Variants in ADAMTSL1 observed in about 807,000 individuals in gnomAD.
The protein encoded by ADAMTSL1 is ADAMTS-like protein 1.
A neutral mutation model predicts 201.8 loss-of-function variants in ADAMTSL1; 126 were observed. The observed-to-expected ratio is 0.62, with a 90% CI of 0.54 to 0.72. The LOEUF (loss-of-function observed/expected upper bound fraction) is 0.72. ADAMTSL1 is among the 30% of genes least tolerant of loss of function. ADAMTSL1 has a pLI of 0.00. For synonymous variants in ADAMTSL1, 1,121 were observed against 903.4 expected (o/e 1.24, Z -4.32); for missense variants, 2,679 against 2,277.8 (o/e 1.18, Z -3.59).
At chr9:18,493,895 CTG>C (rs906667637) in intron 1 of ADAMTSL1, among the ~76,000 whole-genome samples, 18 of 152,234 alleles carry the variant, frequency 1.2e-4, no homozygotes, top group African/African-American at 4.3e-4. Flanking sequence ...GATTACGTAT[CTG>C]GTGTTCTACA....
chr9:18,298,773 C>T (rs928054526), intron 2 of ADAMTSL1, among the ~76,000 whole-genome samples: 1 of 151,758 alleles, frequency 6.6e-6, no homozygotes, highest in Non-Finnish European at 1.5e-5. Context: ...CTTGTAATCC[C>T]AGCACTTTGG....
At chr9:18,336,058 A>G (rs962074678) in intron 2 of ADAMTSL1, among the ~76,000 whole-genome samples, 8 of 152,142 alleles carry the variant, frequency 5.3e-5, no homozygotes, top group African/African-American at 1.9e-4. Context: ...TTCAGGTTTT[A>G]TTTCATTGCA....
chr9:18,009,238 C>T (rs1020099875), intron 1 of ADAMTSL1, among the ~76,000 whole-genome samples: 2 of 151,992 alleles, frequency 1.3e-5, no homozygotes, highest in African/African-American at 4.8e-5. Context: ...CCTATTTCTT[C>T]TTCTGTCTTC....
chr9:18,615,774 A>AT (rs1395521100), intron 4 of ADAMTSL1, among the ~76,000 whole-genome samples: 1 of 152,154 alleles, frequency 6.6e-6, no homozygotes, highest in African/African-American at 2.4e-5. Context: ...TAGTTTCCTG[A>AT]TTTGACAACT....
chr9:18,287,379 A>T (rs892763631), intron 2 of ADAMTSL1, among the ~76,000 whole-genome samples: 24 of 152,108 alleles, frequency 1.6e-4, no homozygotes, highest in East Asian at 7.8e-4. Flanking sequence ...ACATACATGT[A>T]TATATGTGTG....
chr9:18,171,441 G>T (rs192031129), intron 2 of ADAMTSL1, among the ~76,000 whole-genome samples: 92 of 152,030 alleles, frequency 6.1e-4, no homozygotes, highest in African/African-American at 2.2e-3. Context: ...CATTTTAATG[G>T]CATAGAAATT....
In ADAMTSL1 at chr9:18,154,010, A is replaced by G. The variant is rs114454290; in HGVS notation, c.88-9852A>G. Reference sequence around the variant, plus strand: ...TGAGATTTATAGCATCAGACACAAAATCACAGGGGCCTGCTAAAAGACTGT... The same window carrying G: ...TGAGATTTATAGCATCAGACACAAAGTCACAGGGGCCTGCTAAAAGACTGT... On this transcript the variant is annotated intron_variant, in intron 1 of 29. Transcript: ENST00000680146. Among the ~76,000 whole-genome samples the G allele has an allele frequency of 9.2e-4, 140 of 152,136 alleles. 2 individuals carry two copies. Among genetic ancestry groups the G allele is most frequent in the African/African-American group, 3.1e-3 (130 of 41,550 alleles).
chr9:18,238,606 C>T (rs111701942), intron 2 of ADAMTSL1, among the ~76,000 whole-genome samples: 8 of 151,894 alleles, frequency 5.3e-5, no homozygotes, highest in African/African-American at 1.7e-4. Context: ...TAATAGGCAC[C>T]AAAAAAATGA....
chr9:17,920,542 T>C (rs1826263413), intron 1 of ADAMTSL1, among the ~76,000 whole-genome samples: 1 of 152,202 alleles, frequency 6.6e-6, no homozygotes, highest in South Asian at 2.1e-4. Flanking sequence ...CTGCTTCTAC[T>C]CCCCTCCCTC....
At chr9:18,559,067 C>T (rs1003300150) in intron 3 of ADAMTSL1, among the ~76,000 whole-genome samples, 2 of 152,120 alleles carry the variant, frequency 1.3e-5, no homozygotes, top group East Asian at 1.9e-4. Context: ...GTGTTTTAGT[C>T]GTGAAGTCTT....
At position 18,675,911 on chromosome 9, in the gene ADAMTSL1, C is replaced by A; in HGVS notation, c.1136+4C>A. ...ACCTCTACCATCCCCTTCCTCGGTA[C>A]GTAAATCAATCATCCTGATGTTAGA... is the stretch of plus-strand genomic sequence containing the variant. On this transcript the variant is annotated splice_donor_region_variant and intron_variant, in intron 10 of 28. Transcript: ENST00000380548. 6.2e-7 allele frequency: 1 copy of A among 1,612,270 alleles called. No homozygotes were observed. The highest frequency in any genetic ancestry group is 1.1e-5 in the South Asian group (1 of 91,022).
At chr9:18,338,880 G>A (rs1245238644) in intron 2 of ADAMTSL1, among the ~76,000 whole-genome samples, 1 of 152,048 alleles carries the variant, frequency 6.6e-6, no homozygotes, top group African/African-American at 2.4e-5. Context: ...GTGGTATTTG[G>A]TTTTCTGTTC....
At chr9:18,027,681 G>A (rs972174970) in intron 1 of ADAMTSL1, among the ~76,000 whole-genome samples, 1 of 151,654 alleles carries the variant, frequency 6.6e-6, no homozygotes, top group African/African-American at 2.4e-5. Context: ...TGAGAAAAAT[G>A]TATATTCTGT....
intron 1 of ADAMTSL1, among the ~76,000 whole-genome samples, chr9:18,065,232 G>C (rs1045286882): frequency 2.6e-5 from 4 of 151,990 alleles, no homozygotes; most frequent in African/African-American, 9.7e-5. Flanking sequence ...CATCTCTGTT[G>C]GGATGTACAT....
rs140088644 is a variant in ADAMTSL1, at chr9:18,890,405, T to C, written c.4643+657T>C. ...GCACCTCATCCTCTGTCCTCAGCAG[T>C]AGTTAAATGGATAATAGATGGGCTT... On this transcript the variant is annotated intron_variant, in intron 25 of 28. Transcript: ENST00000380548. 2,796 of 417,746 alleles carry C rather than the reference T, an allele frequency of 6.7e-3. 19 individuals are homozygous for C. Among genetic ancestry groups the C allele is most frequent in the Admixed American group, 0.011 (418 of 37,578 alleles). The allele number at this position is 417,746 out of a possible 1,614,324, so 25.9% of individuals were successfully genotyped here. A position where few individuals can be genotyped will look rare whatever the true frequency, so the allele number is the denominator to read the frequency against.
chr9:18,508,160 G>A (rs575342657), intron 2 of ADAMTSL1, among the ~76,000 whole-genome samples: 3 of 151,750 alleles, frequency 2.0e-5, no homozygotes, highest in South Asian at 4.2e-4. Context: ...ACTCCAGCCT[G>A]GGCGACGAGC....
At chr9:18,124,087 T>TG (rs2131933676) in intron 1 of ADAMTSL1, among the ~76,000 whole-genome samples, 1 of 144,366 alleles carries the variant, frequency 6.9e-6, no homozygotes, top group East Asian at 2.0e-4. Flanking sequence ...GTTTTTTTTT[T>TG]TTTTTTTTTT....
chr9:18,442,960 G>A lies in ADAMTSL1; in HGVS notation c.208-61869G>A, dbSNP rs149097253. On this transcript the variant is annotated intron_variant, in intron 2 of 29. Transcript: ENST00000680146. ...TTTTATAGAACAGAGTGATGGTTCC[G>A]GCTCCTTCCATGCCAGCCCCTCCCT... 1.2e-3 allele frequency among the ~76,000 whole-genome samples: 185 copies of A among 152,256 alleles called. 2 individuals are homozygous for A. The highest frequency in any genetic ancestry group is 4.2e-3 in the African/African-American group (176 of 41,538).
chr9:18,560,163 A>G (rs1403060686), intron 3 of ADAMTSL1, among the ~76,000 whole-genome samples: 1 of 152,076 alleles, frequency 6.6e-6, no homozygotes, highest in African/African-American at 2.4e-5. Context: ...AATAACTCTT[A>G]TTATTTTGAG....
Sources: gnomAD v4.1 joint callset for allele counts (sites outside exome capture counted in the v4.1 genomes callset) on GRCh38, gnomAD v4.1.1 for gene constraint, MANE v1.5 for transcripts, NCBI Gene and HGNC (gene_info 2026-07-23, HGNC 2026-07-21) for gene names.